TEX11: variants seen among roughly 807,000 people sequenced by gnomAD.
The protein encoded by TEX11 is testis expressed 11.
In TEX11, 7 loss-of-function variants were observed where a neutral mutation model predicts 84.4. The ratio of observed to expected loss-of-function variants is 0.08; its 90% CI spans 0.05 to 0.16. TEX11 has a LOEUF of 0.16. Among genes scored for constraint, TEX11 ranks in the 10% least tolerant of loss-of-function variants. The pLI is 1.00. For missense variants in TEX11, 551 were observed against 660.5 expected (o/e 0.83, Z 1.82); for synonymous variants, 264 against 222.8 (o/e 1.18, Z -1.64).
intron 2 of TEX11, among the ~76,000 whole-genome samples, chrX:70,886,798 C>A (rs987283515): frequency 1.8e-5 from 2 of 111,614 alleles, no homozygotes; most frequent in Admixed American, 9.6e-5. Context: ...CTGGGCTCAT[C>A]GGAAGATAAA....
At chrX:70,700,612 A>C (rs12557384) in intron 13 of TEX11, among the ~76,000 whole-genome samples, 8,640 of 110,596 alleles carry the variant, frequency 0.078, 424 homozygotes, top group Admixed American at 0.24. Context: ...AGGCCAATTA[A>C]TAACCCTACA....
At chrX:70,742,712 GA>G (rs2090741455) in intron 10 of TEX11, among the ~76,000 whole-genome samples, 2 of 110,018 alleles carry the variant, frequency 1.8e-5, no homozygotes, top group Non-Finnish European at 3.8e-5. Context: ...TGGGTGACAA[GA>G]CCCTGTCTCA....
At chrX:70,570,874 G>A (rs1370651148) in intron 25 of TEX11, among the ~76,000 whole-genome samples, 2 of 111,538 alleles carry the variant, frequency 1.8e-5, no homozygotes, top group Admixed American at 1.9e-4. Flanking sequence ...TTTAATGTCT[G>A]AGGGATTTGT....
intron 10 of TEX11, among the ~76,000 whole-genome samples, chrX:70,742,714 C>A (rs2090741520): frequency 9.1e-6 from 1 of 109,573 alleles, no homozygotes; most frequent in East Asian, 2.9e-4. Flanking sequence ...GGTGACAAGA[C>A]CCTGTCTCAA....
At chrX:70,818,426 CT>C (rs773349234) in intron 8 of TEX11, among the ~76,000 whole-genome samples, 1 of 111,708 alleles carries the variant, frequency 9.0e-6, no homozygotes, top group Admixed American at 9.5e-5. Flanking sequence ...ACCCCATGCC[CT>C]AGGCCAGGGT....
chrX:70,630,607 A>C (rs2089500411), intron 17 of TEX11, among the ~76,000 whole-genome samples: 1 of 111,519 alleles, frequency 9.0e-6, no homozygotes, highest in African/African-American at 3.3e-5. Flanking sequence ...GAAAAAAGGA[A>C]AAAGAGCAAA....
chrX:70,823,902 C>A (rs1157320293), intron 8 of TEX11, among the ~76,000 whole-genome samples: 1 of 110,890 alleles, frequency 9.0e-6, no homozygotes, highest in Non-Finnish European at 1.9e-5. Context: ...TGCCTGTAGT[C>A]CCGGCTACTT....
At chrX:70,583,381 T>C (rs942142026) in intron 25 of TEX11, among the ~76,000 whole-genome samples, 4 of 111,997 alleles carry the variant, frequency 3.6e-5, no homozygotes, top group African/African-American at 1.3e-4. Flanking sequence ...TTCTGAGTTG[T>C]TTCACTTAAG....
intron 9 of TEX11, among the ~76,000 whole-genome samples, chrX:70,795,481 A>C (rs2091150569): frequency 9.0e-6 from 1 of 110,910 alleles, no homozygotes; most frequent in Admixed American, 9.6e-5. Context: ...CTCGTTCATT[A>C]AGCAAACATA....
rs6625673 is a variant in TEX11 at position 70,769,987 on chromosome X, A to C, written c.693-25768T>G. On this transcript the variant is annotated intron_variant, in intron 9 of 29. Transcript: ENST00000374333. ...GTTATCCTCATTCCATGCCTGTGAC[A>C]CACATAATATTGCACCTATTTTTCA... Among the ~76,000 whole-genome samples the C allele has an allele frequency of 7.3e-3, 819 of 111,691 alleles. 7 individuals are homozygous for C. Among genetic ancestry groups the C allele is most frequent in the African/African-American group, 0.025 (784 of 30,810 alleles).
intron 9 of TEX11, among the ~76,000 whole-genome samples, chrX:70,787,166 A>G (rs1279935138): frequency 8.9e-6 from 1 of 112,004 alleles, no homozygotes; most frequent in Non-Finnish European, 1.9e-5. Context: ...GACAAAATTC[A>G]ACATTTTTTC....
intron 13 of TEX11, among the ~76,000 whole-genome samples, chrX:70,713,049 C>A (rs1391038090): frequency 8.9e-6 from 1 of 111,757 alleles, no homozygotes; most frequent in East Asian, 2.8e-4. Flanking sequence ...TTGAGATAAT[C>A]ATGTGGTTTT....
intron 9 of TEX11, among the ~76,000 whole-genome samples, chrX:70,767,027 T>G (rs1490321200): frequency 8.9e-6 from 1 of 111,893 alleles, no homozygotes; most frequent in African/African-American, 3.2e-5. Flanking sequence ...AAGAAAACAT[T>G]GGAGAAAATC....
At chrX:70,643,263 A>C in intron 17 of TEX11, among the ~76,000 whole-genome samples, 1 of 106,597 alleles carries the variant, frequency 9.4e-6, no homozygotes, top group South Asian at 4.4e-4. Flanking sequence ...GCTCAAGGAA[A>C]TAAAAGAGCA....
chrX:70,552,609 A>C (rs1396006024), intron 27 of TEX11, among the ~76,000 whole-genome samples: 1 of 111,864 alleles, frequency 8.9e-6, no homozygotes, highest in Non-Finnish European at 1.9e-5. Flanking sequence ...TGATTCCACA[A>C]GAACTGTCTT....
At chrX:70,746,306 T>C (rs1342243958) in intron 9 of TEX11, among the ~76,000 whole-genome samples, 1 of 111,060 alleles carries the variant, frequency 9.0e-6, no homozygotes, top group Non-Finnish European at 1.9e-5. Context: ...TCTGGGCAAG[T>C]ACGATGGAGA....
At chrX:70,654,019 A>G (rs771350101) in intron 16 of TEX11, among the ~76,000 whole-genome samples, 47 of 111,951 alleles carry the variant, frequency 4.2e-4, no homozygotes, top group African/African-American at 1.3e-3. Context: ...AGTGGTTGAC[A>G]CTAGTTCAGT....
At position 70,609,059 on chromosome X, in the gene TEX11, A is replaced by C. The variant is rs2089229373; in HGVS notation, c.1879+32T>G. The stretch of plus-strand genomic sequence containing the variant: ...ATCTGTCTAATTCCACCACCCCACA[A>C]TGTTTCCCAGAGCCACAGAATTTCC... On this transcript the variant is annotated intron_variant, in intron 22 of 29. Coordinates refer to ENST00000374333, the MANE Select transcript of TEX11 (RefSeq NM_031276.3). 2.7e-6 allele frequency: 3 copies of C among 1,131,049 alleles called. No individual in the cohort carries two copies. The Admixed American group carries it at 7.0e-5, about 27-fold the overall frequency. 93.2% of individuals were successfully genotyped at this position (1,131,049 alleles called of 1,213,427 possible).
At chrX:70,704,832 A>T (rs188313724) in intron 13 of TEX11, among the ~76,000 whole-genome samples, 1 of 111,887 alleles carries the variant, frequency 8.9e-6, no homozygotes, top group Non-Finnish European at 1.9e-5. Context: ...AAATGTTTAA[A>T]AAAAAAAGAT....
Sources: allele counts gnomAD v4.1 joint callset (sites outside exome capture counted in the v4.1 genomes callset), GRCh38; gene constraint gnomAD v4.1.1; transcripts MANE v1.5; gene names NCBI Gene and HGNC (gene_info 2026-07-23, HGNC 2026-07-21).